Variants in TPST1 observed in about 807,000 individuals in gnomAD.
TPST1 encodes tyrosylprotein sulfotransferase 1, also known as protein-tyrosine sulfotransferase 1.
A neutral mutation model predicts 34.8 loss-of-function variants in TPST1; 20 were observed. The observed-to-expected ratio is 0.57, with a 90% CI of 0.40 to 0.84. The LOEUF is 0.84. Ranked by LOEUF, TPST1 falls within the 40% of genes least tolerant of loss-of-function variation. TPST1 has a pLI of 0.00. For missense variants in TPST1, 353 were observed against 455.5 expected (o/e 0.78, Z 2.05); for synonymous variants, 152 against 159.4 (o/e 0.95, Z 0.35).
chr7:66,207,899 CT>C (rs1789164231), intron 1 of TPST1, among the ~76,000 whole-genome samples: 1 of 152,116 alleles, frequency 6.6e-6, no homozygotes, highest in African/African-American at 2.4e-5. Context: ...TTCTTTTCTC[CT>C]CACATTAAGT....
At chr7:66,282,345 T>C (rs977374399) in intron 2 of TPST1, among the ~76,000 whole-genome samples, 7 of 152,232 alleles carry the variant, frequency 4.6e-5, no homozygotes, top group Non-Finnish European at 1.0e-4. Context: ...ATATGATTTC[T>C]GTTGTAAGCA....
chr7:66,251,206 T>C (rs1164664513), intron 2 of TPST1, among the ~76,000 whole-genome samples: 1 of 152,138 alleles, frequency 6.6e-6, no homozygotes, highest in Non-Finnish European at 1.5e-5. Flanking sequence ...GTGCCTGGTA[T>C]ATAATGAGAG....
chr7:66,263,004 G>A (rs1304666036), intron 2 of TPST1, among the ~76,000 whole-genome samples: 1 of 151,956 alleles, frequency 6.6e-6, no homozygotes, highest in Non-Finnish European at 1.5e-5. Context: ...GGAGGCTGAG[G>A]TACTAGAATC....
In TPST1 at chr7:66,332,620, C is replaced by T. The variant is rs1458722345; in HGVS notation, c.1045-19885C>T. Among the ~76,000 whole-genome samples the T allele has an allele frequency of 6.6e-6, 1 of 152,090 alleles. No individual in the cohort carries two copies. On this transcript the variant is annotated intron_variant, in intron 3 of 5. Coordinates refer to ENST00000304842, the MANE Select transcript of TPST1 (RefSeq NM_003596.4). The surrounding 1 kb of genome is among the most constrained non-coding windows in gnomAD (Gnocchi z 4.5). ...TGTTACTATAGTCAGCCCTTTGTAT[C>T]TGTGGTTTCCACATCCATAGATTCA...
At chr7:66,237,710 C>T (rs1426449164) in intron 1 of TPST1, among the ~76,000 whole-genome samples, 1 of 151,934 alleles carries the variant, frequency 6.6e-6, no homozygotes, top group Non-Finnish European at 1.5e-5. Context: ...CGCATGCCCA[C>T]TCTGTATATG....
At chr7:66,327,237 G>T (rs1791885378) in intron 3 of TPST1, among the ~76,000 whole-genome samples, 1 of 152,160 alleles carries the variant, frequency 6.6e-6, no homozygotes, top group African/African-American at 2.4e-5. Flanking sequence ...AACCAATGAT[G>T]AAAGTTTGTC....
intron 2 of TPST1, among the ~76,000 whole-genome samples, chr7:66,272,479 A>G (rs1790723031): frequency 6.6e-6 from 1 of 152,180 alleles, no homozygotes; most frequent in South Asian, 2.1e-4. Flanking sequence ...TGTCAACACA[A>G]TAAAGACTAT....
At chr7:66,282,231 G>A (rs543935704) in intron 2 of TPST1, among the ~76,000 whole-genome samples, 1 of 152,236 alleles carries the variant, frequency 6.6e-6, no homozygotes, top group South Asian at 2.1e-4. Context: ...AAGAAAATTA[G>A]GCTCTCAGTT....
At chr7:66,293,319 T>C (rs1037632190) in intron 3 of TPST1, among the ~76,000 whole-genome samples, 2 of 151,684 alleles carry the variant, frequency 1.3e-5, no homozygotes, top group African/African-American at 4.8e-5. Context: ...CTGGGCAACA[T>C]AGTGAGACCC....
At chr7:66,267,508 C>G (rs184581217) in intron 2 of TPST1, among the ~76,000 whole-genome samples, 44 of 151,994 alleles carry the variant, frequency 2.9e-4, no homozygotes, top group Admixed American at 9.2e-4. Context: ...CAAGATGTTG[C>G]TACACAGAGA....
chr7:66,337,374 A>G (rs990964338), intron 3 of TPST1, among the ~76,000 whole-genome samples: 2 of 146,144 alleles, frequency 1.4e-5, no homozygotes, highest in African/African-American at 5.2e-5. Context: ...CAGTGGTGCA[A>G]TCTCAGCTCA....
At chr7:66,222,641 G>C (rs1462056962) in intron 1 of TPST1, among the ~76,000 whole-genome samples, 1 of 152,074 alleles carries the variant, frequency 6.6e-6, no homozygotes, top group African/African-American at 2.4e-5. Context: ...GAGAGAAAGC[G>C]GCATGGTACT....
intron 3 of TPST1, among the ~76,000 whole-genome samples, chr7:66,293,683 C>T (rs538195556): frequency 1.3e-5 from 2 of 152,272 alleles, no homozygotes; most frequent in South Asian, 2.1e-4. Context: ...TGCAGATCTG[C>T]ATAAACACCA....
chr7:66,270,355 C>T (rs151296200), intron 2 of TPST1, among the ~76,000 whole-genome samples: 9 of 152,274 alleles, frequency 5.9e-5, no homozygotes, highest in African/African-American at 1.9e-4. Context: ...ATAACTATTA[C>T]CCATGTTAAG....
rs138078500 is a variant in TPST1, at chr7:66,311,138, T to TTG, written c.1044+24440_1044+24441dup. On this transcript the variant is annotated intron_variant, in intron 3 of 5. Transcript: ENST00000304842. ...CCTATTGAAGTATTTTGTCTTTTTT[T>TTG]TGTGTGTGTGTGACAGGGTTTCACT... 2.7e-3 allele frequency among the ~76,000 whole-genome samples: 415 copies of TTG among 152,028 alleles called. 14 individuals carry two copies. In the East Asian group the frequency reaches 0.073, roughly 27 times the overall value.
chr7:66,345,031 T>A (rs866767494), intron 3 of TPST1, among the ~76,000 whole-genome samples: 5 of 151,166 alleles, frequency 3.3e-5, no homozygotes, highest in Admixed American at 6.6e-5. Context: ...GCCAATTTTT[T>A]AAAAAATTAA....
At chr7:66,328,906 ATTTTT>A (rs1172711561) in intron 3 of TPST1, among the ~76,000 whole-genome samples, 2 of 13,158 alleles carry the variant, frequency 1.5e-4, no homozygotes, top group Admixed American at 1.1e-3. Context: ...ATATATATAT[ATTTTT>A]TTTTTTTTTT....
At chr7:66,329,587 C>T (rs1791955985) in intron 3 of TPST1, among the ~76,000 whole-genome samples, 2 of 152,138 alleles carry the variant, frequency 1.3e-5, no homozygotes, top group African/African-American at 4.8e-5. Context: ...GGCGTTTCTC[C>T]AGTATATGAC....
chr7:66,210,564 A>T (rs1370171367), intron 1 of TPST1, among the ~76,000 whole-genome samples: 1 of 152,176 alleles, frequency 6.6e-6, no homozygotes, highest in Non-Finnish European at 1.5e-5. Flanking sequence ...TACTTTAAAG[A>T]TGCTTCCCAT....
Sources: allele counts gnomAD v4.1 joint callset (sites outside exome capture counted in the v4.1 genomes callset), GRCh38; gene constraint gnomAD v4.1.1; non-coding constraint Gnocchi (gnomAD v3.1); transcripts MANE v1.5; gene names NCBI Gene and HGNC (gene_info 2026-07-23, HGNC 2026-07-21).